PDE1C: variants seen among roughly 807,000 people sequenced by gnomAD.
PDE1C encodes dual specificity calcium/calmodulin-dependent 3',5'-cyclic nucleotide phosphodiesterase 1C.
A neutral mutation model predicts 93.1 loss-of-function variants in PDE1C; 62 were observed. That is an observed-to-expected ratio of 0.67 (90% CI 0.54 to 0.82). PDE1C has a LOEUF of 0.82. Ranked by LOEUF, PDE1C falls within the 40% of genes least tolerant of loss-of-function variation. PDE1C has a pLI of 0.00. For synonymous variants in PDE1C, 325 were observed against 310.1 expected (o/e 1.05, Z -0.50); for missense variants, 742 against 884.6 (o/e 0.84, Z 2.04).
chr7:32,043,492 A>G (rs1265442731), intron 2 of PDE1C, among the ~76,000 whole-genome samples: 1 of 152,198 alleles, frequency 6.6e-6, no homozygotes, highest in Non-Finnish European at 1.5e-5. Context: ...AGGCAATCTA[A>G]GAAACTTACT....
intron 1 of PDE1C, among the ~76,000 whole-genome samples, chr7:32,211,858 CA>C (rs148488319): frequency 0.021 from 3,149 of 150,954 alleles, 120 homozygotes; most frequent in African/African-American, 0.072. Context: ...CCTGTCTCCA[CA>C]AAAAAAGTTT....
At chr7:31,761,711 C>T (rs1794842708) in intron 17 of PDE1C, among the ~76,000 whole-genome samples, 1 of 152,138 alleles carries the variant, frequency 6.6e-6, no homozygotes, top group South Asian at 2.1e-4. Flanking sequence ...TAGGACTAAG[C>T]CTTCAGGAAT....
the PDE1C span, among the ~76,000 whole-genome samples, chr7:31,704,575 G>A: frequency 6.6e-6 from 1 of 152,194 alleles, no homozygotes; most frequent in East Asian, 1.9e-4. Context: ...GTTCAATAGC[G>A]GAGAAGGATG....
the PDE1C span, among the ~76,000 whole-genome samples, chr7:31,734,479 C>T: frequency 2.6e-5 from 4 of 152,102 alleles, no homozygotes; most frequent in African/African-American, 9.7e-5. Flanking sequence ...CCCTGGGACG[C>T]CACAGGATAT....
At chr7:32,398,010 G>A (rs533467918) in intron 1 of PDE1C, among the ~76,000 whole-genome samples, 67 of 152,152 alleles carry the variant, frequency 4.4e-4, no homozygotes, top group African/African-American at 1.6e-3. Flanking sequence ...AAAATTAGCC[G>A]GGGGTGGTGG....
At chr7:31,863,182 T>C (rs1351324856) in intron 7 of PDE1C, among the ~76,000 whole-genome samples, 4 of 152,216 alleles carry the variant, frequency 2.6e-5, no homozygotes, top group Non-Finnish European at 5.9e-5. Flanking sequence ...GTTTCCTTTT[T>C]ATTGTTTTTG....
chr7:32,120,681 G>T (rs1458300608), intron 3 of PDE1C, among the ~76,000 whole-genome samples: 1 of 151,932 alleles, frequency 6.6e-6, no homozygotes. Flanking sequence ...CAAACAGAAA[G>T]CAACAACAAC....
rs1800945398 is a variant in PDE1C, at chr7:32,147,308, G to GAAAGAAAGAAA, written c.308+22466_308+22476dup. ...AGAAAGAAAGAAAGAAAGAAAGAAA[G>GAAAGAAAGAAA]AAAGAAAGAAAGAAAGAAAGAAAGA... On this transcript the variant is annotated intron_variant, in intron 3 of 18. Transcript: ENST00000396193. Among the ~76,000 whole-genome samples the GAAAGAAAGAAA allele has an allele frequency of 3.1e-4, 45 of 146,270 alleles. 1 individual carries two copies. Among genetic ancestry groups the GAAAGAAAGAAA allele is most frequent in the Middle Eastern group, 3.5e-3 (1 of 284 alleles).
chr7:31,844,991 CTT>C, intron 9 of PDE1C, among the ~76,000 whole-genome samples: 1 of 152,162 alleles, frequency 6.6e-6, no homozygotes, highest in East Asian at 1.9e-4. Context: ...CAGTTCTAAA[CTT>C]TGTTTTTAAT....
chr7:31,732,609 C>T, the PDE1C span, among the ~76,000 whole-genome samples: 2 of 135,716 alleles, frequency 1.5e-5, no homozygotes, highest in African/African-American at 6.5e-5. Context: ...TCCTTTAAAT[C>T]TTTCTCTCTC....
intron 2 of PDE1C, among the ~76,000 whole-genome samples, chr7:31,883,377 C>A (rs1012710777): frequency 1.3e-5 from 2 of 152,042 alleles, no homozygotes; most frequent in African/African-American, 4.8e-5. Flanking sequence ...TCAAACTGTA[C>A]CAAATGGACA....
chr7:32,128,663 A>G (rs1223750525), intron 3 of PDE1C, among the ~76,000 whole-genome samples: 1 of 151,720 alleles, frequency 6.6e-6, no homozygotes, highest in East Asian at 1.9e-4. Context: ...AACATGGACT[A>G]TCTCATAAAC....
chr7:32,242,284 G>T (rs534501853), intron 1 of PDE1C, among the ~76,000 whole-genome samples: 1 of 152,178 alleles, frequency 6.6e-6, no homozygotes. Flanking sequence ...AATGAAGATA[G>T]GTTCAAGAAT....
intron 3 of PDE1C, among the ~76,000 whole-genome samples, chr7:32,094,218 TAC>T (rs1797626437): frequency 6.6e-6 from 1 of 152,186 alleles, no homozygotes; most frequent in Non-Finnish European, 1.5e-5. Context: ...TGGCACTGAA[TAC>T]AGAGTAGGGA....
At chr7:32,124,868 A>G (rs1185404673) in intron 3 of PDE1C, among the ~76,000 whole-genome samples, 1 of 152,226 alleles carries the variant, frequency 6.6e-6, no homozygotes, top group Non-Finnish European at 1.5e-5. Flanking sequence ...TAAAATTGAC[A>G]AACGCAATCT....
chr7:32,051,643 G>T (rs2128687821), intron 1 of PDE1C, 63 bp from the exon 2 acceptor site: 2 of 1,402,520 alleles, frequency 1.4e-6, no homozygotes, highest in East Asian at 4.6e-5. Flanking sequence ...GTAAGAAAGG[G>T]ATTACTTCAG....
chr7:31,725,350 T>C, the PDE1C span, among the ~76,000 whole-genome samples: 2 of 152,106 alleles, frequency 1.3e-5, no homozygotes, highest in Admixed American at 1.3e-4. Flanking sequence ...CACAACATGA[T>C]TTATTGCAAT....
chr7:32,071,334 T>G, upstream of PDE1C: 4 of 985,424 alleles, frequency 4.1e-6, no homozygotes, highest in Non-Finnish European at 4.8e-6. Context: ...AGCCTCACTC[T>G]CGCACCCGCC....
the PDE1C span, among the ~76,000 whole-genome samples, chr7:31,668,494 T>TAA: frequency 6.0e-5 from 9 of 150,960 alleles, no homozygotes; most frequent in African/African-American, 2.2e-4. Context: ...TCTTCAGCAA[T>TAA]AAAAAAAAAA....
Sources: gnomAD v4.1 joint callset for allele counts (sites outside exome capture counted in the v4.1 genomes callset) on GRCh38, gnomAD v4.1.1 for gene constraint, MANE v1.5 for transcripts, NCBI Gene and HGNC (gene_info 2026-07-23, HGNC 2026-07-21) for gene names.